The following MAP4K5 variants were observed in gnomAD, a reference collection of about 807,000 sequenced individuals.
MAP4K5 encodes the protein MAPK/ERK kinase kinase kinase 5.
In MAP4K5, 82 loss-of-function variants were observed where a neutral mutation model predicts 135.6. That is an observed-to-expected ratio of 0.60 (90% confidence interval 0.51 to 0.73). The LOEUF (loss-of-function observed/expected upper bound fraction) is 0.73. MAP4K5 is among the 30% of genes least tolerant of loss of function. MAP4K5 has a pLI of 0.00. For synonymous variants in MAP4K5, 347 were observed against 335.0 expected, an observed-to-expected ratio of 1.04 and a Z score of -0.39; for missense variants, 907 against 1,010.9, an observed-to-expected ratio of 0.90 and a Z score of 1.39.
At chr14:50,512,105 G>A (rs1319190984) in intron 2 of MAP4K5, among the ~76,000 whole-genome samples, 2 of 151,972 alleles carry the variant, frequency 1.3e-5, no homozygotes, top group Non-Finnish European at 2.9e-5. Flanking sequence ...CCACACTAAC[G>A]CAAGATGTTA....
intron 13 of MAP4K5, 57 bp from the exon 14 acceptor site, chr14:50,456,651 G>A: frequency 3.7e-6 from 4 of 1,070,174 alleles, no homozygotes; most frequent in South Asian, 1.7e-5. Context: ...AAAGTTAAAA[G>A]GTCAAACTTT....
intron 20 of MAP4K5, among the ~76,000 whole-genome samples, chr14:50,443,324 A>G (rs1161271284): frequency 6.9e-6 from 1 of 145,042 alleles, no homozygotes; most frequent in Non-Finnish European, 1.5e-5. Flanking sequence ...GTTCCCATTC[A>G]CAGATAAGTT....
chr14:50,474,551 G>C (rs1452541251), intron 9 of MAP4K5, among the ~76,000 whole-genome samples: 1 of 148,324 alleles, frequency 6.7e-6, no homozygotes, highest in Non-Finnish European at 1.5e-5. Flanking sequence ...TCAGTAATCA[G>C]TGGAATGCAC....
chr14:50,452,693 A>T (rs1049785892), intron 14 of MAP4K5, among the ~76,000 whole-genome samples: 37 of 152,328 alleles, frequency 2.4e-4, no homozygotes, highest in African/African-American at 7.9e-4. Flanking sequence ...ACAGTAAAAT[A>T]GGGTGTTGAT....
chr14:50,432,756 G>T (rs1016774728), intron 28 of MAP4K5, among the ~76,000 whole-genome samples: 1 of 151,740 alleles, frequency 6.6e-6, no homozygotes, highest in Non-Finnish European at 1.5e-5. Flanking sequence ...AAAAAAAAAA[G>T]TTGGGCTGTC....
intron 13 of MAP4K5, 75 bp from the exon 14 acceptor site, chr14:50,456,669 T>C: frequency 2.3e-6 from 2 of 866,674 alleles, no homozygotes; most frequent in South Asian, 1.8e-5. Flanking sequence ...TTTCTTATCA[T>C]TTATTGATAA....
At position 50,485,641 on chromosome 14, in the gene MAP4K5, G is replaced by C. The variant is rs1442067749; in HGVS notation, c.259C>G (p.Arg87Gly). Residue 87 changes from arginine (R) to glycine (G), a missense_variant and splice_region_variant, in exon 5 of 33, where the codon CGG (arginine) becomes GGG (glycine). Physicochemically the swap from Arg to Gly is moderately radical, Grantham distance 125. Transcript: ENST00000682126. ...IVAYFGSYLS[R>G]EKLWICMEYC... is the part of the protein sequence containing the mutation. Reference sequence around the variant, plus strand: ...TCCATACAAATCCATAGTTTTTCCCGACTAATACAAAAAAAAAAGAAAATT... The same window carrying C: ...TCCATACAAATCCATAGTTTTTCCCCACTAATACAAAAAAAAAAGAAAATT... 4 of 1,526,730 alleles carry C rather than the reference G, an allele frequency of 2.6e-6. No individual in the cohort carries two copies. Among genetic ancestry groups the C allele is most frequent in the Non-Finnish European group, 3.5e-6 (4 of 1,128,882 alleles). The allele number at this position is 1,526,730 out of a possible 1,614,324, so 94.6% of individuals were successfully genotyped here.
chr14:50,521,048 T>G (rs1462418607), intron 2 of MAP4K5, among the ~76,000 whole-genome samples: 1 of 152,136 alleles, frequency 6.6e-6, no homozygotes, highest in African/African-American at 2.4e-5. Flanking sequence ...CTCAAACTCC[T>G]GACCTCAGGT....
chr14:50,433,871 T>C (rs1171027541), intron 28 of MAP4K5, among the ~76,000 whole-genome samples: 2 of 152,226 alleles, frequency 1.3e-5, no homozygotes, highest in African/African-American at 2.4e-5. Flanking sequence ...ATTTATTGAA[T>C]GATTTGTTCT....
intron 13 of MAP4K5, among the ~76,000 whole-genome samples, chr14:50,459,288 A>T (rs2036658935): frequency 6.6e-6 from 1 of 152,184 alleles, no homozygotes. Context: ...GTAAATAGTA[A>T]ATATATCCAT....
At chr14:50,511,763 C>T (rs533167651) in intron 2 of MAP4K5, among the ~76,000 whole-genome samples, 86 of 152,006 alleles carry the variant, frequency 5.7e-4, no homozygotes, top group Middle Eastern at 3.4e-3. Flanking sequence ...ATCCTAAATG[C>T]ATATTGTTAA....
chr14:50,547,875 T>C (rs1474039636), intron 1 of MAP4K5, among the ~76,000 whole-genome samples: 1 of 152,224 alleles, frequency 6.6e-6, no homozygotes, highest in Admixed American at 6.5e-5. Flanking sequence ...TAATGGACTT[T>C]CCAGGTACTA....
intron 28 of MAP4K5, among the ~76,000 whole-genome samples, chr14:50,432,556 CAA>C (rs56267301): frequency 0.88 from 123,280 of 140,326 alleles, 55,052 homozygotes; most frequent in Middle Eastern, 0.96. Context: ...ACAAAACTCT[CAA>C]AAAAAAAAAA....
intron 2 of MAP4K5, among the ~76,000 whole-genome samples, chr14:50,506,431 T>A (rs2037811164): frequency 6.6e-6 from 1 of 152,168 alleles, no homozygotes; most frequent in African/African-American, 2.4e-5. Flanking sequence ...GGATCTCGGC[T>A]CACTGCAGCC....
At chr14:50,471,489 G>T (rs2036961357) in intron 9 of MAP4K5, among the ~76,000 whole-genome samples, 1 of 151,920 alleles carries the variant, frequency 6.6e-6, no homozygotes, top group Non-Finnish European at 1.5e-5. Context: ...TCACATTGGA[G>T]AAAAACCCCG....
chr14:50,468,447 C>A, intron 10 of MAP4K5: 1 of 538,692 alleles, frequency 1.9e-6, no homozygotes, highest in Non-Finnish European at 3.3e-6. Context: ...GAACAAGGAG[C>A]TTGATCTGTA....
intron 3 of MAP4K5, among the ~76,000 whole-genome samples, chr14:50,502,137 A>G (rs2037719078): frequency 6.6e-6 from 1 of 152,158 alleles, no homozygotes; most frequent in South Asian, 2.1e-4. Flanking sequence ...TGGGAACGCT[A>G]AGCACGTGGG....
intron 2 of MAP4K5, among the ~76,000 whole-genome samples, chr14:50,510,822 T>C (rs1002530746): frequency 1.3e-5 from 2 of 152,182 alleles, no homozygotes; most frequent in Non-Finnish European, 2.9e-5. Flanking sequence ...GAGTATATCC[T>C]TCCAAACTTT....
chr14:50,535,176 T>C (rs1313545561), upstream of MAP4K5, among the ~76,000 whole-genome samples: 1 of 152,266 alleles, frequency 6.6e-6, no homozygotes, highest in Non-Finnish European at 1.5e-5. Flanking sequence ...TGCTTTGTAA[T>C]GTACTTCCCT....
Sources: allele counts gnomAD v4.1 joint callset (sites outside exome capture counted in the v4.1 genomes callset), GRCh38; gene constraint gnomAD v4.1.1; transcripts MANE v1.5; gene names NCBI Gene and HGNC (gene_info 2026-07-23, HGNC 2026-07-21).